Variants in ICA1L observed in about 807,000 individuals in gnomAD.
ICA1L encodes islet cell autoantigen 1 like.
A neutral mutation model predicts 61.3 loss-of-function variants in ICA1L; 50 were observed. The observed-to-expected ratio is 0.82, with a 90% confidence interval of 0.65 to 1.03. The LOEUF is 1.03. ICA1L is among the 50% of genes least tolerant of loss of function. The probability of loss-of-function intolerance (pLI) is 0.00; values close to 1 mark genes in which losing one functional copy is unlikely to be tolerated. For missense variants in ICA1L, 508 were observed against 556.7 expected (o/e 0.91, Z 0.88); for synonymous variants, 161 against 191.3 (o/e 0.84, Z 1.31).
intron 1 of ICA1L, among the ~76,000 whole-genome samples, chr2:202,863,684 C>T (rs879261853): frequency 9.2e-5 from 14 of 151,426 alleles, no homozygotes; most frequent in South Asian, 2.1e-4. Context: ...AAAATCAGCC[C>T]GGCGTGGTGG....
At chr2:202,863,057 C>T (rs1474458596) in intron 1 of ICA1L, among the ~76,000 whole-genome samples, 4 of 151,062 alleles carry the variant, frequency 2.6e-5, no homozygotes, top group African/African-American at 9.7e-5. Flanking sequence ...TTTGGGAGGC[C>T]GAGGCAGGCA....
chr2:202,810,429 C>T (rs567007649), intron 9 of ICA1L, among the ~76,000 whole-genome samples: 5 of 152,326 alleles, frequency 3.3e-5, no homozygotes, highest in Non-Finnish European at 7.3e-5. Context: ...GGACACTTAT[C>T]ACTTCCCCAG....
chr2:202,815,956 A>C lies in ICA1L; in HGVS notation c.738T>G (p.His246Gln), dbSNP rs780243382. The C allele has an allele frequency of 2.5e-6, 4 of 1,605,458 alleles. No homozygotes were observed. The highest frequency in any genetic ancestry group is 3.4e-6 in the Non-Finnish European group (4 of 1,176,694). Reference protein sequence around the residue: ...KKTARMMSQIHEACIGFHPYD... With the variant: ...KKTARMMSQIQEACIGFHPYD... ...ACGGATGAAAGCCAATACAGGCTTC[A>C]TGAATTTGGGACATCATTCGAGCTG... Residue 246 changes from histidine (H) to glutamine (Q), a missense_variant, in exon 7 of 13, where the codon CAT (histidine) becomes CAG (glutamine). Physicochemically the swap from His to Gln is conservative, Grantham distance 24. Coordinates refer to ENST00000358299, the MANE Select transcript of ICA1L (RefSeq NM_001288622.3).
intron 2 of ICA1L, among the ~76,000 whole-genome samples, chr2:202,826,305 T>C (rs1437027932): frequency 6.6e-6 from 1 of 152,200 alleles, no homozygotes; most frequent in Non-Finnish European, 1.5e-5. Context: ...CTACTGCTGC[T>C]AATTGCTAAC....
chr2:202,802,150 TAAATAA>T (rs1353275318), intron 9 of ICA1L, among the ~76,000 whole-genome samples: 1 of 152,118 alleles, frequency 6.6e-6, no homozygotes, highest in African/African-American at 2.4e-5. Flanking sequence ...AGAACTTTTA[TAAATAA>T]AAAGTATAGT....
chr2:202,774,031 C>T lies in ICA1L; in HGVS notation c.*5502G>A, dbSNP rs1000343598. On this transcript the variant is annotated 3_prime_UTR_variant, in exon 13 of 13. Transcript: ENST00000358299. ...TATTTTTTTAAATTATGAACTAGCG[C>T]TGCTCCACTTCTTGCTTCTTTGATG... 1 of 875,870 alleles carries T rather than the reference C, an allele frequency of 1.1e-6. No individual in the cohort carries two copies. Among genetic ancestry groups the T allele is most frequent in the Non-Finnish European group, 1.8e-6 (1 of 555,716 alleles). The allele number at this position is 875,870 out of a possible 1,614,324, so 54.3% of individuals were successfully genotyped here.
intron 5 of ICA1L, among the ~76,000 whole-genome samples, chr2:202,818,601 T>C (rs773841910): frequency 6.6e-6 from 1 of 152,170 alleles, no homozygotes; most frequent in Non-Finnish European, 1.5e-5. Context: ...AACTGAATCA[T>C]GGGGGCAGGT....
At chr2:202,804,041 G>A (rs1173845573) in intron 9 of ICA1L, among the ~76,000 whole-genome samples, 1 of 151,870 alleles carries the variant, frequency 6.6e-6, no homozygotes, top group South Asian at 2.1e-4. Context: ...CTTGCTTTGT[G>A]CTAATAACTC....
intron 10 of ICA1L, among the ~76,000 whole-genome samples, chr2:202,796,199 A>T (rs1692921501): frequency 6.6e-6 from 1 of 152,218 alleles, no homozygotes; most frequent in Non-Finnish European, 1.5e-5. Flanking sequence ...GCATAAGAGA[A>T]TTCTTCTATA....
intron 3 of ICA1L, among the ~76,000 whole-genome samples, chr2:202,824,178 G>A (rs550433678): frequency 5.3e-5 from 8 of 152,218 alleles, no homozygotes; most frequent in Non-Finnish European, 1.2e-4. Flanking sequence ...TGAGGTGGGT[G>A]GATCACGAGG....
intron 6 of ICA1L, among the ~76,000 whole-genome samples, chr2:202,816,834 TATTC>T (rs147700958): frequency 3.0e-4 from 45 of 152,344 alleles, no homozygotes; most frequent in South Asian, 1.7e-3. Flanking sequence ...ATATCTAACT[TATTC>T]ATTGTGTGTT....
chr2:202,791,443 G>A (rs1288238130), intron 10 of ICA1L, among the ~76,000 whole-genome samples: 2 of 152,174 alleles, frequency 1.3e-5, no homozygotes, highest in Non-Finnish European at 2.9e-5. Flanking sequence ...ATGGTCAATA[G>A]AGTTGAATAG....
intron 1 of ICA1L, chr2:202,841,423 T>C: frequency 8.5e-7 from 1 of 1,182,964 alleles, no homozygotes; most frequent in South Asian, 1.2e-5. Flanking sequence ...CCACTTGGTC[T>C]CCAGCATCTT....
chr2:202,867,038 GA>G (rs1260541916), intron 1 of ICA1L, among the ~76,000 whole-genome samples: 1 of 151,354 alleles, frequency 6.6e-6, no homozygotes, highest in Admixed American at 6.6e-5. Context: ...CATTATAAAA[GA>G]AAAAAAATCA....
intron 1 of ICA1L, among the ~76,000 whole-genome samples, chr2:202,845,077 C>T (rs1694430805): frequency 6.6e-6 from 1 of 152,176 alleles, no homozygotes; most frequent in Admixed American, 6.5e-5. Flanking sequence ...ACCTTTCTGC[C>T]TTCCCCTTAA....
intron 9 of ICA1L, among the ~76,000 whole-genome samples, chr2:202,806,592 G>A (rs1693233133): frequency 6.6e-6 from 1 of 151,506 alleles, no homozygotes; most frequent in South Asian, 2.1e-4. Flanking sequence ...GCTGCAGTGA[G>A]CCATGATTGC....
chr2:202,841,726 A>T, intron 1 of ICA1L: 1 of 506,710 alleles, frequency 2.0e-6, no homozygotes, highest in Non-Finnish European at 3.8e-6. Context: ...CCTGGGGGCC[A>T]GAGGACCACC....
chr2:202,818,500 A>C lies in ICA1L; in HGVS notation c.559-957T>G, dbSNP rs899342951. Among the ~76,000 whole-genome samples, 4 of 152,042 alleles carry C rather than the reference A, an allele frequency of 2.6e-5. No homozygotes were observed. The East Asian group carries it at 7.7e-4, about 29-fold the overall frequency. On this transcript the variant is annotated intron_variant, in intron 5 of 12. Transcript: ENST00000358299. ...CAGGGTTTTTAGGGTCCAGATAGGGACTTGGATTGTATTTGATGTGGTTTG... is the reference window on the plus strand; with the variant it reads ...CAGGGTTTTTAGGGTCCAGATAGGGCCTTGGATTGTATTTGATGTGGTTTG...
intron 1 of ICA1L, among the ~76,000 whole-genome samples, chr2:202,850,835 T>C (rs970653011): frequency 1.3e-5 from 2 of 151,876 alleles, no homozygotes; most frequent in African/African-American, 4.8e-5. Context: ...AGACATATAA[T>C]TGTCAGATTC....
Sources: gnomAD v4.1 joint callset for allele counts (sites outside exome capture counted in the v4.1 genomes callset) on GRCh38, gnomAD v4.1.1 for gene constraint, MANE v1.5 for transcripts, NCBI Gene and HGNC (gene_info 2026-07-23, HGNC 2026-07-21) for gene names.